The following COMT variants were observed in gnomAD, a reference collection of about 807,000 sequenced individuals.
COMT encodes catechol-O-methyltransferase.
In COMT, 13 loss-of-function variants were observed where a neutral mutation model predicts 18.9. That is an observed-to-expected ratio of 0.69 (90% CI 0.45 to 1.09). The LOEUF (loss-of-function observed/expected upper bound fraction) is 1.09. Ranked by LOEUF, COMT falls within the 50% of genes least tolerant of loss-of-function variation. COMT has a pLI of 0.00. For synonymous variants in COMT, 150 were observed against 160.9 expected (o/e 0.93, Z 0.51); for missense variants, 329 against 361.8 (o/e 0.91, Z 0.73).
At chr22:19,954,181 G>A (rs574873646) in intron 1 of COMT, among the ~76,000 whole-genome samples, 30 of 144,886 alleles carry the variant, frequency 2.1e-4, no homozygotes, top group Admixed American at 1.5e-3. Context: ...TGTGCAGTCC[G>A]TGTGAAAGCC....
At chr22:19,959,282 G>T (rs1942135359) in intron 1 of COMT, among the ~76,000 whole-genome samples, 2 of 152,240 alleles carry the variant, frequency 1.3e-5, no homozygotes, top group African/African-American at 4.8e-5. Flanking sequence ...GGCTTTTCAG[G>T]ACCCGCCCTC....
chr22:19,949,315 T>G (rs138781316), intron 1 of COMT, among the ~76,000 whole-genome samples: 1 of 152,114 alleles, frequency 6.6e-6, no homozygotes, highest in East Asian at 1.9e-4. Context: ...AATTTTTGAG[T>G]TTTTTTATAG....
intron 2 of COMT, 23 bp from the exon 3 acceptor site, chr22:19,962,504 G>GC: frequency 6.5e-7 from 1 of 1,542,728 alleles, no homozygotes; most frequent in Non-Finnish European, 8.7e-7. Flanking sequence ...GAGCACTGGC[G>GC]CCCCTCCCCT....
In COMT at chr22:19,964,254, C is replaced by T. The variant is rs1420164899; in HGVS notation, c.570C>T (p.Leu190=). Residue 190 remains leucine (L), a synonymous_variant, in exon 5 of 6, where the codon CTC becomes CTT. Transcript: ENST00000361682. ...YDVDTLDMVF[L]DHWKDRYLPD... ...TGGACACACTGGACATGGTCTTCCTCGACCACTGGAAGGACCGGTACCTGC... is the reference window on the plus strand; with the variant it reads ...TGGACACACTGGACATGGTCTTCCTTGACCACTGGAAGGACCGGTACCTGC... The T allele has an allele frequency of 1.2e-6, 2 of 1,613,950 alleles. No individual in the cohort carries two copies. Among genetic ancestry groups the T allele is most frequent in the African/African-American group, 1.3e-5 (1 of 74,934 alleles).
chr22:19,941,997 A>C, intron 1 of COMT, 100 bp downstream of exon 1: 2 of 474,800 alleles, frequency 4.2e-6, no homozygotes, highest in Non-Finnish European at 3.5e-6. Flanking sequence ...GGGAATTCGG[A>C]CCGCTGTGAA....
chr22:19,966,175 G>A (rs537552073), intron 5 of COMT, among the ~76,000 whole-genome samples: 1 of 152,318 alleles, frequency 6.6e-6, no homozygotes, highest in East Asian at 1.9e-4. Context: ...TTGGGAATGG[G>A]TGTCCTTGTT....
intron 1 of COMT, among the ~76,000 whole-genome samples, chr22:19,946,698 G>A (rs755782616): frequency 8.6e-5 from 13 of 151,992 alleles, no homozygotes; most frequent in African/African-American, 1.2e-4. Context: ...AAAATCAAAC[G>A]ATTTACAAGG....
At position 19,944,320 on chromosome 22, in the gene COMT, G is replaced by A. The variant is rs146817634; in HGVS notation, c.-92+2423G>A. ...CAAGCACTTCGGGAGGCCGAGGTGGGCAAATCACCCGAGTCCAGAAGTTCG... is the reference window on the plus strand; with the variant it reads ...CAAGCACTTCGGGAGGCCGAGGTGGACAAATCACCCGAGTCCAGAAGTTCG... On this transcript the variant is annotated intron_variant, in intron 1 of 5. Transcript: ENST00000361682. Among the ~76,000 whole-genome samples, 414 of 152,268 alleles carry A rather than the reference G, an allele frequency of 2.7e-3. 3 individuals are homozygous for A. The highest frequency in any genetic ancestry group is 0.016 in the East Asian group (84 of 5,174).
At chr22:19,958,693 T>G (rs1399627474) in intron 1 of COMT, among the ~76,000 whole-genome samples, 2 of 122,710 alleles carry the variant, frequency 1.6e-5, no homozygotes, top group African/African-American at 6.3e-5. Context: ...GGGCAAAATA[T>G]CGAGACCCCA....
intron 1 of COMT, among the ~76,000 whole-genome samples, chr22:19,959,001 G>A (rs971778685): frequency 5.3e-5 from 8 of 152,178 alleles, no homozygotes; most frequent in African/African-American, 1.9e-4. Flanking sequence ...ATTCAAAACT[G>A]TCTTTTTGCC....
At chr22:19,944,344 C>T (rs917865764) in intron 1 of COMT, among the ~76,000 whole-genome samples, 2 of 151,690 alleles carry the variant, frequency 1.3e-5, no homozygotes, top group African/African-American at 4.9e-5. Context: ...TCCAGAAGTT[C>T]GAGACCAGCC....
chr22:19,967,920 T>C (rs1326395837), intron 5 of COMT, among the ~76,000 whole-genome samples: 1 of 152,256 alleles, frequency 6.6e-6, no homozygotes, highest in African/African-American at 2.4e-5. Context: ...TATGGCTGCG[T>C]GTCCAGTAAC....
intron 1 of COMT, among the ~76,000 whole-genome samples, chr22:19,956,954 CTTTT>C (rs778325319): frequency 7.1e-6 from 1 of 141,276 alleles, no homozygotes; most frequent in Non-Finnish European, 1.6e-5. Context: ...ACATTCCTGT[CTTTT>C]TTTTTTTTTT....
intron 5 of COMT, chr22:19,967,406 T>TC (rs113895332): frequency 6.3e-6 from 3 of 474,252 alleles, no homozygotes; most frequent in African/African-American, 6.0e-5. Flanking sequence ...TTTTTTTTTT[T>TC]CTAAATGAAA....
intron 1 of COMT, among the ~76,000 whole-genome samples, chr22:19,958,722 CAAAA>C (rs361549): frequency 2.3e-5 from 2 of 87,246 alleles, no homozygotes; most frequent in Non-Finnish European, 4.3e-5. Flanking sequence ...CCATCTCTAC[CAAAA>C]AAAAAAAAAA....
At chr22:19,962,200 C>G in intron 2 of COMT, 1 of 411,844 alleles carries the variant, frequency 2.4e-6, no homozygotes, top group Non-Finnish European at 4.6e-6. Flanking sequence ...CAGCCTGAGT[C>G]CGTGTCTGCT....
chr22:19,958,274 C>T (rs1033292355), intron 1 of COMT, among the ~76,000 whole-genome samples: 1 of 151,378 alleles, frequency 6.6e-6, no homozygotes, highest in African/African-American at 2.4e-5. Context: ...AGGTGATCCT[C>T]CCGCCTCAGC....
intron 1 of COMT, chr22:19,951,189 C>T (rs1941927869): frequency 6.6e-6 from 1 of 152,066 alleles, no homozygotes; most frequent in Non-Finnish European, 1.5e-5. Flanking sequence ...GAAACCCCAT[C>T]TCTACTAAAA....
chr22:19,955,197 T>C (rs1288597318), intron 1 of COMT, among the ~76,000 whole-genome samples: 2 of 152,208 alleles, frequency 1.3e-5, no homozygotes, highest in Non-Finnish European at 2.9e-5. Context: ...ATTAAACTTC[T>C]GGTCATTCCT....
Sources: allele counts gnomAD v4.1 joint callset (sites outside exome capture counted in the v4.1 genomes callset), GRCh38; gene constraint gnomAD v4.1.1; transcripts MANE v1.5; gene names NCBI Gene and HGNC (gene_info 2026-07-23, HGNC 2026-07-21).